The following NXPE1 variants were observed in gnomAD, a reference collection of about 807,000 sequenced individuals.
NXPE1 encodes NXPE family member 1.
A neutral mutation model predicts 33.3 loss-of-function variants in NXPE1; 31 were observed. That is an observed-to-expected ratio of 0.93 (90% confidence interval 0.70 to 1.26). NXPE1 has a LOEUF of 1.26. Ranked by LOEUF, NXPE1 falls within the 50% of genes most tolerant of loss-of-function variation. The probability of loss-of-function intolerance (pLI) is 0.00; values close to 1 mark genes in which losing one functional copy is unlikely to be tolerated. For missense variants in NXPE1, 661 were observed against 655.6 expected (o/e 1.01, Z -0.09); for synonymous variants, 229 against 231.4 (o/e 0.99, Z 0.09).
chr11:114,540,598 C>T (rs1338465908), intron 5 of NXPE1, among the ~76,000 whole-genome samples: 2 of 151,948 alleles, frequency 1.3e-5, no homozygotes, highest in Non-Finnish European at 2.9e-5. Context: ...CAAAAGAGTT[C>T]TGTTTCAATA....
At position 114,540,928 on chromosome 11, in the gene NXPE1, C is replaced by G. The variant is rs183796389; in HGVS notation, c.100-10020G>C. On this transcript the variant is annotated intron_variant, in intron 5 of 8. Transcript: ENST00000534921. ...AGCAGAGTCTGCAGCAACACAGTCA[C>G]TGGATGGAGGGGGAAATCCCAGAAC... 2.5e-5 allele frequency among the ~76,000 whole-genome samples: 3 copies of G among 121,268 alleles called. No individual in the cohort carries two copies. In the East Asian group the frequency reaches 8.4e-4, roughly 34 times the overall value. 79.6% of individuals were successfully genotyped at this position (121,268 alleles called of 152,430 possible). A position where few individuals can be genotyped will look rare whatever the true frequency, so the allele number is the denominator to read the frequency against.
intron 7 of NXPE1, 44 bp downstream of exon 7, chr11:114,527,796 A>T: frequency 7.1e-7 from 1 of 1,413,102 alleles, no homozygotes; most frequent in Non-Finnish European, 9.7e-7. Context: ...TGCTGATAAA[A>T]GTTTCCTCTG....
Position 114,522,522 on chromosome 11 carries a change from G to A in NXPE1, c.1109-19C>T. The A allele has an allele frequency of 6.5e-7, 1 of 1,541,426 alleles. No homozygotes were observed. Among genetic ancestry groups the A allele is most frequent in the Middle Eastern group, 1.7e-4 (1 of 5,716 alleles). On this transcript the variant is annotated intron_variant, in intron 8 of 8. Transcript: ENST00000534921. ...TTCAGTGCTGATAAAAAAACAAATA[G>A]ATGTTTTAAATAGAAGATAATGGTT...
chr11:114,532,335 TC>T (rs1226411882), intron 5 of NXPE1, among the ~76,000 whole-genome samples: 1 of 151,784 alleles, frequency 6.6e-6, no homozygotes, highest in East Asian at 1.9e-4. Context: ...TAAATGAAAT[TC>T]CCCCAAAAGA....
At chr11:114,530,048 A>G in intron 6 of NXPE1, 127 bp downstream of exon 6, 1 of 972,264 alleles carries the variant, frequency 1.0e-6, no homozygotes, top group Non-Finnish European at 1.5e-6. Flanking sequence ...CCCCAAGAAG[A>G]CACCACATGT....
At chr11:114,524,061 C>T (rs1947294853) in intron 7 of NXPE1, among the ~76,000 whole-genome samples, 1 of 152,200 alleles carries the variant, frequency 6.6e-6, no homozygotes, top group Admixed American at 6.5e-5. Flanking sequence ...GACATTCTTA[C>T]TGTGTGGCTT....
chr11:114,522,021 G>A (rs1359531082), exon 9 of NXPE1: 10 of 1,613,722 alleles, frequency 6.2e-6, no homozygotes. Context: ...ACATGATCAG[G>A]TGGGTGGATA....
intron 5 of NXPE1, among the ~76,000 whole-genome samples, chr11:114,542,228 T>A (rs1948123505): frequency 6.6e-6 from 1 of 152,130 alleles, no homozygotes; most frequent in Non-Finnish European, 1.5e-5. Flanking sequence ...ATTTGTAGAG[T>A]AAAATGTTTA....
chr11:114,533,833 T>A (rs1291332006), intron 5 of NXPE1, among the ~76,000 whole-genome samples: 1 of 152,212 alleles, frequency 6.6e-6, no homozygotes, highest in African/African-American at 2.4e-5. Context: ...GAGGCATGCC[T>A]GCCTCTTTAG....
intron 5 of NXPE1, among the ~76,000 whole-genome samples, chr11:114,544,738 T>G (rs1948215768): frequency 6.6e-6 from 1 of 152,076 alleles, no homozygotes; most frequent in Non-Finnish European, 1.5e-5. Context: ...TATTAAAAAT[T>G]AAAGCTTCTG....
intron 5 of NXPE1, among the ~76,000 whole-genome samples, chr11:114,534,121 G>T (rs1325620121): frequency 6.6e-6 from 1 of 152,216 alleles, no homozygotes; most frequent in Non-Finnish European, 1.5e-5. Flanking sequence ...AGCATTTGCG[G>T]TTAACCAATA....
downstream of NXPE1, among the ~76,000 whole-genome samples, chr11:114,521,160 CTCTT>C (rs141286619): frequency 0.037 from 5,622 of 152,222 alleles, 158 homozygotes; most frequent in Non-Finnish European, 0.06. Flanking sequence ...TATTGATTTT[CTCTT>C]TAACAGGAAA....
At chr11:114,555,701 C>T (rs763544383) in intron 1 of NXPE1, among the ~76,000 whole-genome samples, 8 of 152,092 alleles carry the variant, frequency 5.3e-5, no homozygotes, top group Non-Finnish European at 8.8e-5. Context: ...TTTCTGGCCC[C>T]GGATAATCAC....
intron 5 of NXPE1, among the ~76,000 whole-genome samples, chr11:114,540,920 C>T (rs922395570): frequency 1.7e-5 from 2 of 120,272 alleles, no homozygotes; most frequent in Non-Finnish European, 3.2e-5. Context: ...TCTGCAGCAA[C>T]ACAGTCACTG....
chr11:114,550,397 T>C (rs542331021), intron 5 of NXPE1, among the ~76,000 whole-genome samples: 199 of 152,170 alleles, frequency 1.3e-3, no homozygotes, highest in African/African-American at 4.6e-3. Context: ...TGTAACAGAA[T>C]TGAAAATCAG....
intron 5 of NXPE1, among the ~76,000 whole-genome samples, chr11:114,543,121 T>G (rs568056749): frequency 6.6e-6 from 1 of 152,130 alleles, no homozygotes; most frequent in South Asian, 2.1e-4. Context: ...TTTGGGAGGC[T>G]GAGGCAGGCG....
At chr11:114,547,886 T>G (rs1276738920) in intron 5 of NXPE1, among the ~76,000 whole-genome samples, 1 of 152,332 alleles carries the variant, frequency 6.6e-6, no homozygotes, top group East Asian at 1.9e-4. Context: ...ACAATAATGT[T>G]GAAATGGAGG....
At chr11:114,543,217 A>G (rs1006488466) in intron 5 of NXPE1, among the ~76,000 whole-genome samples, 1 of 152,132 alleles carries the variant, frequency 6.6e-6, no homozygotes, top group Non-Finnish European at 1.5e-5. Context: ...TTAGTTGGGC[A>G]TGGTGGCGGG....
chr11:114,523,769 AATTTCTCC>A (rs1947286059), intron 7 of NXPE1, among the ~76,000 whole-genome samples: 1 of 152,110 alleles, frequency 6.6e-6, no homozygotes, highest in African/African-American at 2.4e-5. Context: ...AAGGGCATCC[AATTTCTCC>A]TGTCATGTTT....
Sources: allele counts gnomAD v4.1 joint callset (sites outside exome capture counted in the v4.1 genomes callset), GRCh38; gene constraint gnomAD v4.1.1; transcripts MANE v1.5; gene names NCBI Gene and HGNC (gene_info 2026-07-23, HGNC 2026-07-21).